Variants in HEMK2 observed in about 807,000 individuals in gnomAD.
HEMK2 encodes HemK methyltransferase 2, ETF1 glutamine and histone H4 lysine.
At chr21:28,798,839 T>C in the HEMK2 span, among the ~76,000 whole-genome samples, 1 of 152,178 alleles carries the variant, frequency 6.6e-6, no homozygotes, top group Non-Finnish European at 1.5e-5. Flanking sequence ...TTGCCACTAC[T>C]CTTAAAGCTA....
At chr21:28,744,977 A>G in the HEMK2 span, among the ~76,000 whole-genome samples, 1 of 152,238 alleles carries the variant, frequency 6.6e-6, no homozygotes, top group African/African-American at 2.4e-5. Context: ...TTTGAATTAT[A>G]AAATGTGTAG....
chr21:28,578,517 G>T, the HEMK2 span, among the ~76,000 whole-genome samples: 1 of 152,140 alleles, frequency 6.6e-6, no homozygotes, highest in Admixed American at 6.5e-5. Context: ...GGGCCACAGC[G>T]GGGTTTCACT....
At chr21:28,731,984 C>T in the HEMK2 span, among the ~76,000 whole-genome samples, 1 of 152,240 alleles carries the variant, frequency 6.6e-6, no homozygotes, top group South Asian at 2.1e-4. Context: ...CTGGGTGGTA[C>T]GTGTCACTCC....
chr21:28,754,620 T>C, the HEMK2 span, among the ~76,000 whole-genome samples: 1 of 152,242 alleles, frequency 6.6e-6, no homozygotes, highest in African/African-American at 2.4e-5. Flanking sequence ...ACCCTTCAGC[T>C]TAAATTCTTG....
At chr21:28,678,002 A>G in the HEMK2 span, among the ~76,000 whole-genome samples, 8 of 152,352 alleles carry the variant, frequency 5.3e-5, no homozygotes, top group East Asian at 1.2e-3. Context: ...CCTCCTCCAA[A>G]GGAATGCAGC....
the HEMK2 span, among the ~76,000 whole-genome samples, chr21:28,587,093 T>C: frequency 2.6e-5 from 4 of 151,968 alleles, no homozygotes; most frequent in Non-Finnish European, 5.9e-5. Flanking sequence ...AAAAGATAAA[T>C]TAGCAATCTA....
chr21:28,669,071 T>C, the HEMK2 span, among the ~76,000 whole-genome samples: 2 of 152,074 alleles, frequency 1.3e-5, no homozygotes, highest in African/African-American at 4.8e-5. Context: ...AAGAAGAGAA[T>C]AAACTGGGCT....
At chr21:28,661,095 T>C in the HEMK2 span, among the ~76,000 whole-genome samples, 1 of 152,136 alleles carries the variant, frequency 6.6e-6, no homozygotes, top group Non-Finnish European at 1.5e-5. Context: ...TTGTGCCTTC[T>C]CTATTTTTTC....
At chr21:28,879,994 CT>C in the HEMK2 span, 1 of 1,346,480 alleles carries the variant, frequency 7.4e-7, no homozygotes, top group East Asian at 2.4e-5. Context: ...ACATTAAACT[CT>C]GAATTAAATA....
the HEMK2 span, among the ~76,000 whole-genome samples, chr21:28,719,506 A>G: frequency 6.6e-6 from 1 of 152,168 alleles, no homozygotes; most frequent in Admixed American, 6.5e-5. Flanking sequence ...TGCCTTTGCC[A>G]TGATTGTGAG....
At chr21:28,599,397 G>A in the HEMK2 span, among the ~76,000 whole-genome samples, 1 of 152,174 alleles carries the variant, frequency 6.6e-6, no homozygotes, top group Non-Finnish European at 1.5e-5. Context: ...AGAACCAAGT[G>A]AAAGGGATTT....
the HEMK2 span, among the ~76,000 whole-genome samples, chr21:28,771,573 A>G: frequency 1 from 150,112 of 150,112 alleles, 75,056 homozygotes; most frequent in Non-Finnish European, 1. Context: ...CTGTGATCCA[A>G]ACACCACCTC....
chr21:28,734,010 T>C, the HEMK2 span, among the ~76,000 whole-genome samples: 1 of 68,860 alleles, frequency 1.5e-5, no homozygotes, highest in Non-Finnish European at 2.6e-5. Context: ...TTATCATCTT[T>C]CCTGAGAGAG....
At chr21:28,648,826 G>T in the HEMK2 span, among the ~76,000 whole-genome samples, 1 of 151,886 alleles carries the variant, frequency 6.6e-6, no homozygotes, top group Non-Finnish European at 1.5e-5. Flanking sequence ...GGGTACATGT[G>T]CACAACGTGC....
the HEMK2 span, among the ~76,000 whole-genome samples, chr21:28,682,617 G>A: frequency 6.6e-6 from 1 of 152,142 alleles, no homozygotes; most frequent in African/African-American, 2.4e-5. Flanking sequence ...ATTTATTGTG[G>A]CACTATTCAC....
the HEMK2 span, among the ~76,000 whole-genome samples, chr21:28,607,195 C>T: frequency 6.6e-6 from 1 of 152,210 alleles, no homozygotes; most frequent in African/African-American, 2.4e-5. Flanking sequence ...TGGATTGCCT[C>T]AGCTCAGGAG....
chr21:28,869,163 T>C, the HEMK2 span, among the ~76,000 whole-genome samples: 2 of 152,234 alleles, frequency 1.3e-5, no homozygotes, highest in Non-Finnish European at 2.9e-5. Context: ...CTTCTCTTCC[T>C]AGTTTGCCAA....
At chr21:28,833,420 A>G in the HEMK2 span, among the ~76,000 whole-genome samples, 2 of 152,354 alleles carry the variant, frequency 1.3e-5, no homozygotes, top group African/African-American at 2.4e-5. Flanking sequence ...AGACATAAAC[A>G]GATGGATGTG....
At chr21:28,668,976 TCA>T in the HEMK2 span, among the ~76,000 whole-genome samples, 1 of 152,130 alleles carries the variant, frequency 6.6e-6, no homozygotes, top group Non-Finnish European at 1.5e-5. Flanking sequence ...TTAGGACAAG[TCA>T]CTATTCAGAG....
Sources: allele counts gnomAD v4.1 joint callset (sites outside exome capture counted in the v4.1 genomes callset), GRCh38; gene constraint gnomAD v4.1.1; transcripts MANE v1.5; gene names NCBI Gene and HGNC (gene_info 2026-07-23, HGNC 2026-07-21).